PHACTR2: variants seen among roughly 807,000 people sequenced by gnomAD.
PHACTR2 encodes chromosome 6 open reading frame 56.
PHACTR2 carries 30 observed loss-of-function variants against 76.0 expected under a neutral mutation model. The observed-to-expected ratio is 0.39, with a 90% CI of 0.30 to 0.54. The LOEUF (loss-of-function observed/expected upper bound fraction) is 0.54. Ranked by LOEUF, PHACTR2 falls within the 20% of genes least tolerant of loss-of-function variation. PHACTR2 has a pLI of 0.61. For missense variants in PHACTR2, 696 were observed against 781.1 expected (o/e 0.89, Z 1.30); for synonymous variants, 292 against 292.5 (o/e 1.00, Z 0.02).
At chr6:143,622,289 C>T (rs1400409784) in intron 1 of PHACTR2, among the ~76,000 whole-genome samples, 1 of 152,204 alleles carries the variant, frequency 6.6e-6, no homozygotes, top group Admixed American at 6.5e-5. Context: ...GTCACCAGCA[C>T]TGTCACCACC....
intron 2 of PHACTR2, among the ~76,000 whole-genome samples, chr6:143,745,720 C>A (rs189787543): frequency 6.1e-4 from 76 of 125,292 alleles, no homozygotes; most frequent in African/African-American, 1.8e-3. Context: ...CGGTCGCCTG[C>A]AGTTTGTTCT....
chr6:143,636,956 C>A (rs1347859816), intron 1 of PHACTR2, among the ~76,000 whole-genome samples: 1 of 152,242 alleles, frequency 6.6e-6, no homozygotes. Flanking sequence ...CATCTCCTGG[C>A]CATCAGCCCT....
rs747297330 is a variant in PHACTR2, at chr6:143,611,875, G to T, written c.13+3553G>T. Among the ~76,000 whole-genome samples, 3 of 152,206 alleles carry T rather than the reference G, an allele frequency of 2.0e-5. No homozygotes were observed. Among genetic ancestry groups the T allele is most frequent in the Admixed American group, 6.5e-5 (1 of 15,280 alleles). ...GGGCATGGGGTTGGGGGATGCATTG[G>T]ATATGCATCAGCAGAGCACGACGAG... is the stretch of plus-strand genomic sequence containing the variant. On this transcript the variant is annotated intron_variant, in intron 1 of 11. Transcript: ENST00000305766. This position sits in a 1 kb window ranked among gnomAD's most constrained non-coding sequence, Gnocchi z 4.4.
rs1399998046 is a variant in PHACTR2 at position 143,827,522 on chromosome 6, G to A, written c.*3833G>A. On this transcript the variant is annotated 3_prime_UTR_variant, in exon 13 of 13. Coordinates refer to ENST00000440869, the MANE Select transcript of PHACTR2 (RefSeq NM_001100164.2). The stretch of plus-strand genomic sequence containing the variant: ...AAATCTTCCTCAGAGTAGGTGGTAT[G>A]AAATTAAACTAGTACAATATATATG... 6.6e-6 allele frequency: 1 copy of A among 152,040 alleles called. No homozygotes were observed. The highest frequency in any genetic ancestry group is 1.5e-5 in the Non-Finnish European group (1 of 68,006). The allele number at this position is 152,040 out of a possible 1,614,324, so 9.4% of individuals were successfully genotyped here. A position where few individuals can be genotyped will look rare whatever the true frequency, so the allele number is the denominator to read the frequency against.
chr6:143,595,753 C>T lies in PHACTR2; in HGVS notation c.217+58546C>T, dbSNP rs1775743328. Among the ~76,000 whole-genome samples, 1 of 152,150 alleles carries T rather than the reference C, an allele frequency of 6.6e-6. No homozygotes were observed. Among genetic ancestry groups the T allele is most frequent in the Admixed American group, 6.5e-5 (1 of 15,268 alleles). On this transcript the variant is annotated intron_variant, in intron 1 of 11. Transcript: ENST00000367584. This position sits in a 1 kb window ranked among gnomAD's most constrained non-coding sequence, Gnocchi z 4.2. ...TTGTTTTTAAAGAGAGAAAAAAGTG[C>T]TGTTAGAATAAAAATAAAGAATGTT...
At chr6:143,704,266 C>G (rs1777990141) in intron 1 of PHACTR2, among the ~76,000 whole-genome samples, 1 of 152,084 alleles carries the variant, frequency 6.6e-6, no homozygotes, top group African/African-American at 2.4e-5. Flanking sequence ...CTGGATCCAT[C>G]ATGTGCTAAA....
At chr6:143,702,388 T>A (rs1426093466) in intron 1 of PHACTR2, among the ~76,000 whole-genome samples, 2 of 152,204 alleles carry the variant, frequency 1.3e-5, no homozygotes, top group Non-Finnish European at 2.9e-5. Context: ...ATTACAGGCG[T>A]GAGCCACGGC....
At chr6:143,735,104 G>A (rs539642171) in intron 2 of PHACTR2, among the ~76,000 whole-genome samples, 1 of 152,146 alleles carries the variant, frequency 6.6e-6, no homozygotes, top group East Asian at 1.9e-4. Flanking sequence ...CTTCTTTTGT[G>A]TTAGGTGTTT....
chr6:143,663,110 C>T lies in PHACTR2; in HGVS notation c.14-48906C>T, dbSNP rs1314341835. ...ACCACGTTTTCTCTAGCCAGGCCCC[C>T]ACTAATGAGCACCTAGGTTGATTCC... On this transcript the variant is annotated intron_variant, in intron 1 of 11. Transcript: ENST00000305766. The surrounding 1 kb of genome is among the most constrained non-coding windows in gnomAD (Gnocchi z 4.1). Among the ~76,000 whole-genome samples the T allele has an allele frequency of 6.6e-6, 1 of 152,176 alleles. No individual in the cohort carries two copies. The highest frequency in any genetic ancestry group is 6.5e-5 in the Admixed American group (1 of 15,276).
At chr6:143,566,676 C>T (rs1314855930) in intron 1 of PHACTR2, among the ~76,000 whole-genome samples, 2 of 151,974 alleles carry the variant, frequency 1.3e-5, no homozygotes, top group African/African-American at 4.8e-5. Flanking sequence ...CACATGGTCC[C>T]TGTCCCTCTT....
Position 143,755,182 on chromosome 6 carries a change from A to G in PHACTR2, c.454+1270A>G, listed in dbSNP as rs541214517. The G allele has an allele frequency of 4.5e-6, 2 of 440,038 alleles. No individual in the cohort carries two copies. Among genetic ancestry groups the G allele is most frequent in the Admixed American group, 4.9e-5 (2 of 41,086 alleles). The allele number at this position is 440,038 out of a possible 1,614,324, so 27.3% of individuals were successfully genotyped here. A position where few individuals can be genotyped will look rare whatever the true frequency, so the allele number is the denominator to read the frequency against. On this transcript the variant is annotated intron_variant, in intron 4 of 12. Transcript: ENST00000440869. The surrounding 1 kb of genome is among the most constrained non-coding windows in gnomAD (Gnocchi z 5.2). ...ATTATGAAATTAACTAATACTTTCA[A>G]TGATAATATTCCTGGAACATAAAAA...
rs1298334153 is a variant in PHACTR2, at chr6:143,589,810, C to A, written c.217+52603C>A. On this transcript the variant is annotated intron_variant, in intron 1 of 11. Transcript: ENST00000367584. This position sits in a 1 kb window ranked among gnomAD's most constrained non-coding sequence, Gnocchi z 4.4. ...ACACAATTCAGTCCATTGCACTAAT[C>A]TTATGCAAACTATTTCATATTATAG... Among the ~76,000 whole-genome samples the A allele has an allele frequency of 6.6e-6, 1 of 152,194 alleles. No homozygotes were observed. Among genetic ancestry groups the A allele is most frequent in the African/African-American group, 2.4e-5 (1 of 41,438 alleles).
chr6:143,620,703 G>C (rs1033045318), intron 1 of PHACTR2, among the ~76,000 whole-genome samples: 10 of 152,174 alleles, frequency 6.6e-5, no homozygotes, highest in African/African-American at 2.2e-4. Flanking sequence ...TATATGCTTG[G>C]CCATCGGCCA....
chr6:143,647,462 T>C lies in PHACTR2; in HGVS notation c.13+39140T>C, dbSNP rs927761745. Among the ~76,000 whole-genome samples the C allele has an allele frequency of 2.6e-5, 4 of 152,152 alleles. No individual in the cohort carries two copies. The highest frequency in any genetic ancestry group is 5.9e-5 in the Non-Finnish European group (4 of 68,016). ...TACAGTGTGCCAGCTCCCAGTGTAG[T>C]CTAGGTATACTATCCATGGTGAAGA... On this transcript the variant is annotated intron_variant, in intron 1 of 11. Transcript: ENST00000305766. This position sits in a 1 kb window ranked among gnomAD's most constrained non-coding sequence, Gnocchi z 4.2.
At chr6:143,655,554 A>AT (rs567653370) in intron 1 of PHACTR2, among the ~76,000 whole-genome samples, 2 of 152,206 alleles carry the variant, frequency 1.3e-5, no homozygotes, top group African/African-American at 2.4e-5. Flanking sequence ...TTAATTATAG[A>AT]TTTTTTCTGC....
At chr6:143,629,675 T>C (rs1437124881) in intron 1 of PHACTR2, among the ~76,000 whole-genome samples, 1 of 152,014 alleles carries the variant, frequency 6.6e-6, no homozygotes, top group East Asian at 1.9e-4. Context: ...ATAAGTACTG[T>C]GGAGTTGTTT....
chr6:143,608,256 A>G lies in PHACTR2; in HGVS notation c.-54A>G. 6.2e-7 allele frequency: 1 copy of G among 1,606,554 alleles called. No individual in the cohort carries two copies. ...GACAGGGTGCTTCGTTAGTCAGAAGAGCCAGGGCTTCCCGGCTGCCAGGCT... is the reference window on the plus strand; with the variant it reads ...GACAGGGTGCTTCGTTAGTCAGAAGGGCCAGGGCTTCCCGGCTGCCAGGCT... On this transcript the variant is annotated 5_prime_UTR_variant, in exon 1 of 12. Transcript: ENST00000305766. The surrounding 1 kb of genome is among the most constrained non-coding windows in gnomAD (Gnocchi z 4.6).
At chr6:143,699,154 G>A (rs920966501) in intron 1 of PHACTR2, among the ~76,000 whole-genome samples, 6 of 152,058 alleles carry the variant, frequency 3.9e-5, no homozygotes, top group Admixed American at 2.0e-4. Flanking sequence ...CATATTCACT[G>A]GATGAAGTTC....
At chr6:143,650,634 G>A (rs1776745516) in intron 1 of PHACTR2, among the ~76,000 whole-genome samples, 1 of 152,140 alleles carries the variant, frequency 6.6e-6, no homozygotes, top group African/African-American at 2.4e-5. Context: ...GCCATACGCA[G>A]AAAATTGAAA....
Sources: gnomAD v4.1 joint callset for allele counts (sites outside exome capture counted in the v4.1 genomes callset) on GRCh38, gnomAD v4.1.1 for gene constraint, Gnocchi (gnomAD v3.1) non-coding constraint, MANE v1.5 for transcripts, NCBI Gene and HGNC (gene_info 2026-07-23, HGNC 2026-07-21) for gene names.